The following TMCC2 variants were observed in gnomAD, a reference collection of about 807,000 sequenced individuals.
The protein encoded by TMCC2 is transmembrane and coiled-coil domains protein 2.
TMCC2 carries 16 observed loss-of-function variants against 49.4 expected under a neutral mutation model. The ratio of observed to expected loss-of-function variants is 0.32; its 90% CI spans 0.22 to 0.49. The LOEUF (loss-of-function observed/expected upper bound fraction) is 0.49, where lower values mean the gene tolerates loss of function less well. Among genes scored for constraint, TMCC2 ranks in the 20% least tolerant of loss-of-function variants. The pLI, the probability that TMCC2 is intolerant of heterozygous loss-of-function variation, is 0.99. For synonymous variants in TMCC2, 397 were observed against 434.1 expected, an observed-to-expected ratio of 0.91 and a Z score of 1.06; for missense variants, 762 against 989.8, an observed-to-expected ratio of 0.77 and a Z score of 3.09.
chr1:205,232,587 G>C (rs1203852868), intron 1 of TMCC2, among the ~76,000 whole-genome samples: 1 of 152,072 alleles, frequency 6.6e-6, no homozygotes, highest in African/African-American at 2.4e-5. Flanking sequence ...GGGAGGAGAG[G>C]TGGGGCTTAG....
At position 205,269,852 on chromosome 1, in the gene TMCC2, C is replaced by T; in HGVS notation, c.1650C>T (p.Tyr550=). The change falls in exon 3 of 5, where the codon TAC becomes TAT. Residue 550 remains tyrosine, a synonymous_variant. Transcript: ENST00000358024. Reference sequence around the variant, plus strand: ...CTCAGCTGCAGAGGGACTACACCTACATGACCCAGTGCCTGCAGGAGGAGC... The same window carrying T: ...CTCAGCTGCAGAGGGACTACACCTATATGACCCAGTGCCTGCAGGAGGAGC... ...LKTQLQRDYT[Y]MTQCLQEERY... 6.2e-7 allele frequency: 1 copy of T among 1,613,956 alleles called. No homozygotes were observed. The highest frequency in any genetic ancestry group is 8.5e-7 in the Non-Finnish European group (1 of 1,179,944).
chr1:205,241,461 A>G lies in TMCC2; in HGVS notation c.208-44A>G, dbSNP rs1015260935. ...TCACCCTCCTACTGACTAGGCAATCAAGAGCTTTCCACTCACCAGGGTTCT... is the reference window on the plus strand; with the variant it reads ...TCACCCTCCTACTGACTAGGCAATCGAGAGCTTTCCACTCACCAGGGTTCT... On this transcript the variant is annotated intron_variant, in intron 1 of 4. Coordinates refer to ENST00000358024, the MANE Select transcript of TMCC2 (RefSeq NM_014858.4). The surrounding 1 kb of genome is among the most constrained non-coding windows in gnomAD (Gnocchi z 7.3). The G allele has an allele frequency of 1.3e-6, 2 of 1,592,986 alleles. No individual in the cohort carries two copies. Among genetic ancestry groups the G allele is most frequent in the Admixed American group, 3.4e-5 (2 of 58,926 alleles).
Position 205,247,273 on chromosome 1 carries a change from C to A in TMCC2, c.747+5229C>A, listed in dbSNP as rs77657719. Among the ~76,000 whole-genome samples, 54 of 152,234 alleles carry A rather than the reference C, an allele frequency of 3.5e-4. No homozygotes were observed. The East Asian group carries it at 6.6e-3, about 19-fold the overall frequency. On this transcript the variant is annotated intron_variant, in intron 2 of 4. Coordinates refer to ENST00000358024, the MANE Select transcript of TMCC2 (RefSeq NM_014858.4). The stretch of plus-strand genomic sequence containing the variant: ...GAAAAGAGACTGCTTGCCTATGGCA[C>A]CCAGCTAGGTCTTGGCAGGGAGACA...
At position 205,237,033 on chromosome 1, in the gene TMCC2, G is replaced by A. The variant is rs368661870; in HGVS notation, c.208-4472G>A. 3.8e-3 allele frequency among the ~76,000 whole-genome samples: 582 copies of A among 152,102 alleles called. 24 individuals carry two copies. The South Asian group carries it at 0.092, about 24-fold the overall frequency. On this transcript the variant is annotated intron_variant, in intron 1 of 4. Coordinates refer to ENST00000358024, the MANE Select transcript of TMCC2 (RefSeq NM_014858.4). The stretch of plus-strand genomic sequence containing the variant: ...TTTTTTGCCCGTGTGCCCATGAGTT[G>A]AGTTTTTTTTTTAAAATTTCATCTG...
At position 205,272,040 on chromosome 1, in the gene TMCC2, C is replaced by T; in HGVS notation, c.2046C>T (p.Thr682=). ...CACGCCTGCGCATCACCAGCACCACCCTCCTGGTCCTCGTCCTGTTCCTCC... is the reference window on the plus strand; with the variant it reads ...CACGCCTGCGCATCACCAGCACCACTCTCCTGGTCCTCGTCCTGTTCCTCC... The part of the protein sequence containing the change: ...MKTRLRITST[T]LLVLVLFLLW... The change falls in exon 5 of 5, where the codon ACC becomes ACT. Residue 682 remains threonine (T), a synonymous_variant. Transcript: ENST00000358024. 6.2e-7 allele frequency: 1 copy of T among 1,614,216 alleles called. No individual in the cohort carries two copies. Among genetic ancestry groups the T allele is most frequent in the Non-Finnish European group, 8.5e-7 (1 of 1,180,038 alleles).
At chr1:205,244,339 G>A (rs540255321) in intron 2 of TMCC2, among the ~76,000 whole-genome samples, 119 of 152,294 alleles carry the variant, frequency 7.8e-4, no homozygotes, top group African/African-American at 2.8e-3. Flanking sequence ...TAGGTGAAAG[G>A]GTGTGAGATC....
intron 1 of TMCC2, among the ~76,000 whole-genome samples, chr1:205,230,956 G>A (rs1232640671): frequency 6.7e-6 from 1 of 148,150 alleles, no homozygotes; most frequent in African/African-American, 2.5e-5. Flanking sequence ...AGAAAAGGAG[G>A]CTTCCCCTTA....
At chr1:205,233,555 G>C (rs73083135) in intron 1 of TMCC2, among the ~76,000 whole-genome samples, 3,512 of 152,208 alleles carry the variant, frequency 0.023, 110 homozygotes, top group African/African-American at 0.07. Flanking sequence ...TGTGAGTGGC[G>C]TGTGTTCCTT....
intron 2 of TMCC2, among the ~76,000 whole-genome samples, chr1:205,243,600 T>C (rs560470011): frequency 6.6e-6 from 1 of 152,322 alleles, no homozygotes; most frequent in Admixed American, 6.5e-5. Context: ...AGAGGATGAT[T>C]CTAAGGTTAT....
chr1:205,242,440 A>G (rs896301323), intron 2 of TMCC2, among the ~76,000 whole-genome samples: 1 of 151,916 alleles, frequency 6.6e-6, no homozygotes, highest in South Asian at 2.1e-4. Flanking sequence ...GAGGATAATA[A>G]TAGTACAGTT....
At chr1:205,230,040 C>T (rs1574821740) in intron 1 of TMCC2, 2 of 985,424 alleles carry the variant, frequency 2.0e-6, no homozygotes, top group Non-Finnish European at 2.4e-6. Flanking sequence ...GCTAGGGAAA[C>T]GGAAAGGACT....
At chr1:205,238,742 G>A (rs1342214115) in intron 1 of TMCC2, among the ~76,000 whole-genome samples, 1 of 152,056 alleles carries the variant, frequency 6.6e-6, no homozygotes, top group Non-Finnish European at 1.5e-5. Flanking sequence ...TCAGTGTATG[G>A]GCCCATGAAG....
intron 2 of TMCC2, among the ~76,000 whole-genome samples, chr1:205,246,907 C>A (rs780945382): frequency 1.3e-5 from 2 of 151,746 alleles, no homozygotes; most frequent in Non-Finnish European, 2.9e-5. Flanking sequence ...TTTGCAGGGG[C>A]CTGGGGGAAG....
At position 205,264,782 on chromosome 1, in the gene TMCC2, G is replaced by A. The variant is rs548243805; in HGVS notation, c.748-4168G>A. ...GCTGGGATTACAGGTGTGAGCCACT[G>A]CGCCTGGCCCCTGTATTTTAAAATT... is the stretch of plus-strand genomic sequence containing the variant. On this transcript the variant is annotated intron_variant, in intron 2 of 4. Transcript: ENST00000358024. The surrounding 1 kb of genome is among the most constrained non-coding windows in gnomAD (Gnocchi z 4.2). Among the ~76,000 whole-genome samples the A allele has an allele frequency of 9.2e-5, 14 of 152,248 alleles. No individual in the cohort carries two copies. Among genetic ancestry groups the A allele is most frequent in the African/African-American group, 3.1e-4 (13 of 41,538 alleles).
Position 205,269,045 on chromosome 1 carries a change from C to A in TMCC2, c.843C>A (p.Asp281Glu), listed in dbSNP as rs1205763972. 6.2e-7 allele frequency: 1 copy of A among 1,613,516 alleles called. No individual in the cohort carries two copies. Among genetic ancestry groups the A allele is most frequent in the Admixed American group, 1.7e-5 (1 of 60,016 alleles). ...TGGACGTGCCCGATGGGGCACCGGACCCCCAGCGGACCAAGGCCGCCATTG... is the reference window on the plus strand; with the variant it reads ...TGGACGTGCCCGATGGGGCACCGGAACCCCAGCGGACCAAGGCCGCCATTG... ...ISLDVPDGAP[D>E]PQRTKAAIDH... Residue 281 changes from aspartate to glutamate, a missense_variant, in exon 3 of 5, where the codon GAC (aspartate) becomes GAA (glutamate). By Grantham distance (45) the Asp-to-Glu change is conservative. Transcript: ENST00000358024.
rs1574819980 is a variant in TMCC2 at position 205,228,956 on chromosome 1, T to C, written c.207+185T>C. On this transcript the variant is annotated intron_variant, in intron 1 of 4. Coordinates refer to ENST00000358024, the MANE Select transcript of TMCC2 (RefSeq NM_014858.4). ...ACCATTTATGCCTCTGTCTTTCAGC[T>C]CCGTGTCAGGTCTCTGTGTTTGTTC... 1.9e-5 allele frequency: 27 copies of C among 1,409,196 alleles called. 1 individual carries two copies. In the East Asian group the frequency reaches 6.1e-4, roughly 32 times the overall value. The allele number at this position is 1,409,196 out of a possible 1,614,324, so 87.3% of individuals were successfully genotyped here.
intron 1 of TMCC2, among the ~76,000 whole-genome samples, chr1:205,231,036 C>T (rs1304249992): frequency 7.5e-6 from 1 of 133,450 alleles, no homozygotes; most frequent in East Asian, 2.4e-4. Context: ...CCATTGAACC[C>T]AGCAATGTGG....
chr1:205,257,347 G>A (rs1468115482), intron 2 of TMCC2: 41 of 1,232,110 alleles, frequency 3.3e-5, no homozygotes, highest in Non-Finnish European at 4.0e-5. Context: ...GCACGGCTTC[G>A]GGAAACAGTG....
chr1:205,249,174 G>T (rs1176765921), intron 2 of TMCC2, among the ~76,000 whole-genome samples: 1 of 152,196 alleles, frequency 6.6e-6, no homozygotes, highest in Non-Finnish European at 1.5e-5. Context: ...CTTCCCTGTG[G>T]CCTCATGGTG....
Sources: gnomAD v4.1 joint callset for allele counts (sites outside exome capture counted in the v4.1 genomes callset) on GRCh38, gnomAD v4.1.1 for gene constraint, Gnocchi (gnomAD v3.1) non-coding constraint, MANE v1.5 for transcripts, NCBI Gene and HGNC (gene_info 2026-07-23, HGNC 2026-07-21) for gene names.